LNX2: variants seen among roughly 807,000 people sequenced by gnomAD.
LNX2 encodes ligand of numb-protein X 2, also known as ligand of Numb protein X 2.
Under a neutral mutation model 66.2 loss-of-function variants are expected in LNX2, and 35 were observed. The observed-to-expected ratio is 0.53, with a 90% confidence interval of 0.40 to 0.70. LNX2 has a LOEUF of 0.70. Among genes scored for constraint, LNX2 ranks in the 30% least tolerant of loss-of-function variants. LNX2 has a pLI of 0.00. For missense variants in LNX2, 791 were observed against 850.8 expected (o/e 0.93, Z 0.87); for synonymous variants, 337 against 315.6 (o/e 1.07, Z -0.72).
At chr13:27,586,351 G>C (rs1217817244) in intron 1 of LNX2, among the ~76,000 whole-genome samples, 4 of 152,158 alleles carry the variant, frequency 2.6e-5, no homozygotes, top group Admixed American at 1.3e-4. Flanking sequence ...TAGAGTATGA[G>C]TTTTGGAAGG....
intron 1 of LNX2, among the ~76,000 whole-genome samples, chr13:27,583,261 C>CGCGCGCGCGCGCGCGCGCGTGT (rs11281345): frequency 4.4e-5 from 2 of 45,480 alleles, no homozygotes; most frequent in African/African-American, 1.7e-4. Context: ...TGTGTGCGCG[C>CGCGCGCGCGCGCGCGCGCGTGT]GTCCTCTCCA....
intron 1 of LNX2, among the ~76,000 whole-genome samples, chr13:27,604,745 G>A (rs1204770956): frequency 1.3e-5 from 2 of 151,684 alleles, no homozygotes; most frequent in Non-Finnish European, 2.9e-5. Flanking sequence ...ATGGCTCAAA[G>A]GGTTGAAACA....
In LNX2 at chr13:27,567,675, C is replaced by T; in HGVS notation, c.820G>A (p.Asp274Asn). Reference protein sequence around the residue: ...EVYRDGVIARDGRLLAGDQIL... With the variant: ...EVYRDGVIARNGRLLAGDQIL... The stretch of plus-strand genomic sequence containing the variant: ...TGGTCTCCAGCAAGAAGTCTCCCGT[C>T]TCTGGCAATGACCCCATCCCGATAG... Residue 274 changes from aspartate (D) to asparagine (N), a missense_variant, in exon 4 of 10, where the codon GAC (aspartate) becomes AAC (asparagine). Asp to Asn is a conservative substitution (Grantham distance 23). Transcript: ENST00000316334. The T allele has an allele frequency of 1.2e-6, 2 of 1,614,058 alleles. No individual in the cohort carries two copies. The highest frequency in any genetic ancestry group is 2.7e-5 in the African/African-American group (2 of 75,042).
chr13:27,577,904 G>A (rs1187952518), intron 2 of LNX2, among the ~76,000 whole-genome samples: 2 of 152,126 alleles, frequency 1.3e-5, no homozygotes, highest in African/African-American at 4.8e-5. Context: ...TTGCTTGGCA[G>A]AATTTCAAAG....
chr13:27,547,970 G>C lies in LNX2; in HGVS notation c.*365C>G, dbSNP rs939681130. ...GGCTTTGCTGACATCAGGCCTGAGGGATACAGAACTCGTTCTATGATTCAG... is the reference window on the plus strand; with the variant it reads ...GGCTTTGCTGACATCAGGCCTGAGGCATACAGAACTCGTTCTATGATTCAG... On this transcript the variant is annotated 3_prime_UTR_variant, in exon 10 of 10. Coordinates refer to ENST00000316334, the MANE Select transcript of LNX2 (RefSeq NM_153371.4). 18 of 221,270 alleles carry C rather than the reference G, an allele frequency of 8.1e-5. No homozygotes were observed. Among genetic ancestry groups the C allele is most frequent in the Non-Finnish European group, 1.6e-4 (18 of 110,406 alleles). The allele number at this position is 221,270 out of a possible 1,614,324, so 13.7% of individuals were successfully genotyped here. A position where few individuals can be genotyped will look rare whatever the true frequency, so the allele number is the denominator to read the frequency against.
Position 27,548,327 on chromosome 13 carries a change from T to C in LNX2, c.*8A>G. ...GAAGATGCAAGATTTGAAACCAATT[T>C]CCAAAATCTATACAAGGCTGCCAGG... On this transcript the variant is annotated 3_prime_UTR_variant, in exon 10 of 10. Transcript: ENST00000316334. 1.3e-6 allele frequency: 2 copies of C among 1,594,784 alleles called. No homozygotes were observed. The highest frequency in any genetic ancestry group is 1.7e-6 in the Non-Finnish European group (2 of 1,173,620).
intron 1 of LNX2, among the ~76,000 whole-genome samples, chr13:27,587,350 G>C (rs1414642729): frequency 6.6e-6 from 1 of 151,802 alleles, no homozygotes; most frequent in Non-Finnish European, 1.5e-5. Context: ...AATTCCTACA[G>C]TGCATGTTTG....
chr13:27,614,469 C>T (rs1955806573), intron 1 of LNX2, among the ~76,000 whole-genome samples: 1 of 151,518 alleles, frequency 6.6e-6, no homozygotes, highest in African/African-American at 2.4e-5. Flanking sequence ...GCAGCAAGCA[C>T]CCATTGCCTA....
intron 1 of LNX2, among the ~76,000 whole-genome samples, chr13:27,585,466 T>TAAAA (rs890453776): frequency 1.3e-5 from 2 of 150,320 alleles, no homozygotes; most frequent in Admixed American, 6.6e-5. Context: ...ATAAAAATAA[T>TAAAA]AAAAAAAAAT....
At chr13:27,593,825 A>G in intron 1 of LNX2, among the ~76,000 whole-genome samples, 1 of 142,384 alleles carries the variant, frequency 7.0e-6, no homozygotes, top group South Asian at 2.2e-4. Context: ...CAAACTCCTG[A>G]CCTCAAGCGA....
intron 2 of LNX2, among the ~76,000 whole-genome samples, chr13:27,570,656 T>G (rs1237932216): frequency 6.6e-6 from 1 of 152,208 alleles, no homozygotes; most frequent in Non-Finnish European, 1.5e-5. Flanking sequence ...TAAGCAGGTT[T>G]AATTCGAAAT....
At chr13:27,608,815 T>G (rs1955744768) in intron 1 of LNX2, among the ~76,000 whole-genome samples, 1 of 152,108 alleles carries the variant, frequency 6.6e-6, no homozygotes, top group Non-Finnish European at 1.5e-5. Flanking sequence ...TTGTTTTGTT[T>G]TGGTGGGGGG....
intron 1 of LNX2, among the ~76,000 whole-genome samples, chr13:27,583,922 G>GA (rs900391970): frequency 6.7e-5 from 10 of 150,312 alleles, no homozygotes; most frequent in African/African-American, 1.2e-4. Context: ...TTTCAAAAGG[G>GA]AAAAAAAAAC....
chr13:27,552,608 T>C (rs11619599), intron 8 of LNX2, among the ~76,000 whole-genome samples: 10,403 of 152,162 alleles, frequency 0.068, 392 homozygotes, highest in South Asian at 0.14. Flanking sequence ...CGGAAAGGAA[T>C]GTACCCTGGG....
rs1367857515 is a variant in LNX2 at position 27,547,367 on chromosome 13, TATC to T, written c.*965_*967del. 3 of 152,350 alleles carry T rather than the reference TATC, an allele frequency of 2.0e-5. No homozygotes were observed. Among genetic ancestry groups the T allele is most frequent in the Non-Finnish European group, 2.9e-5 (2 of 68,028 alleles). The allele number at this position is 152,350 out of a possible 1,614,324, so 9.4% of individuals were successfully genotyped here. A position where few individuals can be genotyped will look rare whatever the true frequency, so the allele number is the denominator to read the frequency against. On this transcript the variant is annotated 3_prime_UTR_variant, in exon 10 of 10. Transcript: ENST00000316334. The stretch of plus-strand genomic sequence containing the variant: ...ACCATCTCTAACATTAAGTTATAAT[TATC>T]ATCCAAATTCCTTTGTAACTGGATA...
In LNX2 at chr13:27,554,996, G is replaced by C. The variant is rs201579804; in HGVS notation, c.1546+1240C>G. Among the ~76,000 whole-genome samples the C allele has an allele frequency of 2.0e-5, 3 of 152,152 alleles. No individual in the cohort carries two copies. In the East Asian group the frequency reaches 5.8e-4, roughly 29 times the overall value. On this transcript the variant is annotated intron_variant, in intron 7 of 9. Transcript: ENST00000316334. ...AGACAGGATCTCACTCTGATGCTAG[G>C]CTGGAGTACAGTGGCATGATCTCAG...
rs578066626 is a variant in LNX2, at chr13:27,608,200, T to C, written c.-101+12175A>G. Among the ~76,000 whole-genome samples the C allele has an allele frequency of 4.6e-4, 70 of 152,370 alleles. 1 individual carries two copies. Among genetic ancestry groups the C allele is most frequent in the Non-Finnish European group, 7.1e-4 (48 of 68,028 alleles). ...GTCATGAAAAGGCTAAAATTTATGT[T>C]TGCTTGAAACTATTCTTTACTCGTA... On this transcript the variant is annotated intron_variant, in intron 1 of 9. Coordinates refer to ENST00000316334, the MANE Select transcript of LNX2 (RefSeq NM_153371.4).
intron 6 of LNX2, among the ~76,000 whole-genome samples, chr13:27,556,654 T>C (rs1272675201): frequency 6.6e-6 from 1 of 152,234 alleles, no homozygotes. Context: ...ACTGCTGAAA[T>C]ACAGCAGTCA....
chr13:27,603,537 C>T (rs1390439669), intron 1 of LNX2, among the ~76,000 whole-genome samples: 1 of 152,196 alleles, frequency 6.6e-6, no homozygotes, highest in Non-Finnish European at 1.5e-5. Context: ...TTATAGAACT[C>T]AGCAGGTGAC....
Sources: allele counts gnomAD v4.1 joint callset (sites outside exome capture counted in the v4.1 genomes callset), GRCh38; gene constraint gnomAD v4.1.1; transcripts MANE v1.5; gene names NCBI Gene and HGNC (gene_info 2026-07-23, HGNC 2026-07-21).